The following C1orf87 variants were observed in gnomAD, a reference collection of about 807,000 sequenced individuals.
The protein encoded by C1orf87 is uncharacterized protein C1orf87.
Under a neutral mutation model 60.5 loss-of-function variants are expected in C1orf87, and 58 were observed. That is an observed-to-expected ratio of 0.96 (90% CI 0.78 to 1.19). C1orf87 has a LOEUF of 1.19. C1orf87 is among the 50% of genes most tolerant of loss of function. The probability of loss-of-function intolerance (pLI) is 0.00; values close to 1 mark genes in which losing one functional copy is unlikely to be tolerated. For missense variants in C1orf87, 673 were observed against 638.6 expected, an observed-to-expected ratio of 1.05 and a Z score of -0.58; for synonymous variants, 236 against 227.4, an observed-to-expected ratio of 1.04 and a Z score of -0.34.
intron 8 of C1orf87, among the ~76,000 whole-genome samples, chr1:60,023,942 G>A (rs1043576695): frequency 2.6e-5 from 4 of 152,126 alleles, no homozygotes; most frequent in African/African-American, 4.8e-5. Flanking sequence ...CAGGGGAGAA[G>A]ACATTGTATT....
intron 8 of C1orf87, among the ~76,000 whole-genome samples, chr1:60,021,321 T>C (rs141743679): frequency 1.7e-4 from 26 of 152,280 alleles, no homozygotes; most frequent in African/African-American, 6.0e-4. Flanking sequence ...CTTGCTAGCA[T>C]GGAGATCACT....
chr1:60,036,281 A>G (rs1294355347), intron 6 of C1orf87, among the ~76,000 whole-genome samples: 1 of 152,202 alleles, frequency 6.6e-6, no homozygotes, highest in African/African-American at 2.4e-5. Flanking sequence ...AAGTTATCAC[A>G]GTGAAACAGG....
chr1:60,036,066 T>C (rs1215504882), intron 6 of C1orf87, among the ~76,000 whole-genome samples: 1 of 152,178 alleles, frequency 6.6e-6, no homozygotes, highest in Admixed American at 6.5e-5. Context: ...TGAAGGATAG[T>C]TGCTGTTGGT....
intron 6 of C1orf87, among the ~76,000 whole-genome samples, chr1:60,035,226 C>T (rs1645267303): frequency 6.6e-6 from 1 of 152,186 alleles, no homozygotes; most frequent in Non-Finnish European, 1.5e-5. Context: ...CATCTCTGTT[C>T]CAGATCTGAA....
At chr1:60,045,760 A>T (rs1645362518) in intron 3 of C1orf87, among the ~76,000 whole-genome samples, 1 of 152,188 alleles carries the variant, frequency 6.6e-6, no homozygotes, top group Non-Finnish European at 1.5e-5. Flanking sequence ...CCCACGCCAG[A>T]CCCACTAAAT....
intron 11 of C1orf87, among the ~76,000 whole-genome samples, chr1:59,995,094 G>C (rs1293210026): frequency 6.6e-6 from 1 of 152,192 alleles, no homozygotes; most frequent in Middle Eastern, 3.2e-3. Context: ...GTCGGAATCT[G>C]CCTCCAAAGT....
At chr1:59,994,316 T>G (rs191249324) in intron 11 of C1orf87, among the ~76,000 whole-genome samples, 1 of 151,958 alleles carries the variant, frequency 6.6e-6, no homozygotes, top group Non-Finnish European at 1.5e-5. Context: ...TAGTATGTCA[T>G]GGGACTGGGT....
chr1:59,997,945 G>A (rs1363969656), intron 10 of C1orf87, 129 bp from the exon 11 acceptor site: 4 of 848,604 alleles, frequency 4.7e-6, no homozygotes, highest in African/African-American at 1.7e-5. Flanking sequence ...CTAAGAGGAT[G>A]AGCTTCAAAT....
chr1:59,995,337 T>A (rs1228726686), intron 11 of C1orf87, among the ~76,000 whole-genome samples: 1 of 152,146 alleles, frequency 6.6e-6, no homozygotes, highest in Non-Finnish European at 1.5e-5. Context: ...AATCTTTTCA[T>A]CTCCTTCTCT....
At chr1:59,991,832 T>C (rs1016301106) in intron 11 of C1orf87, among the ~76,000 whole-genome samples, 1 of 152,158 alleles carries the variant, frequency 6.6e-6, no homozygotes, top group African/African-American at 2.4e-5. Context: ...GGAGTCGCAG[T>C]GTAGACCACG....
intron 2 of C1orf87, among the ~76,000 whole-genome samples, chr1:60,058,503 T>A (rs1307010061): frequency 6.6e-6 from 1 of 152,208 alleles, no homozygotes; most frequent in Non-Finnish European, 1.5e-5. Context: ...GAAACAGAAA[T>A]AACTATGGTT....
intron 7 of C1orf87, among the ~76,000 whole-genome samples, chr1:60,028,242 A>G (rs1282214129): frequency 6.6e-6 from 1 of 152,198 alleles, no homozygotes; most frequent in Non-Finnish European, 1.5e-5. Flanking sequence ...TATCAATATT[A>G]AGAGATTATT....
intron 7 of C1orf87, among the ~76,000 whole-genome samples, chr1:60,026,857 C>A (rs1274576710): frequency 1.3e-5 from 2 of 152,136 alleles, no homozygotes; most frequent in African/African-American, 2.4e-5. Flanking sequence ...ACACAAACCT[C>A]GTTTCATGCA....
intron 9 of C1orf87, among the ~76,000 whole-genome samples, chr1:60,004,880 G>A (rs146213964): frequency 2.2e-3 from 320 of 142,412 alleles, no homozygotes; most frequent in African/African-American, 7.6e-3. Context: ...CTAATGACTT[G>A]AAATCAGTAG....
intron 8 of C1orf87, among the ~76,000 whole-genome samples, chr1:60,012,178 G>A (rs1208567920): frequency 1.4e-5 from 2 of 147,086 alleles, no homozygotes; most frequent in Non-Finnish European, 1.5e-5. Flanking sequence ...ACGCTTTGAT[G>A]AAAAAAAAAA....
At chr1:60,042,097 A>G in intron 3 of C1orf87, among the ~76,000 whole-genome samples, 1 of 152,152 alleles carries the variant, frequency 6.6e-6, no homozygotes, top group East Asian at 1.9e-4. Context: ...GTGGTGTGGA[A>G]TCCCTGCTTC....
intron 1 of C1orf87, 32 bp downstream of exon 1, chr1:60,073,658 T>A (rs1165492391): frequency 1.3e-5 from 2 of 152,580 alleles, no homozygotes. Context: ...TCGGCCCTGA[T>A]TGCCCGGAGA....
intron 3 of C1orf87, among the ~76,000 whole-genome samples, chr1:60,041,952 C>T (rs1170451672): frequency 6.6e-6 from 1 of 152,130 alleles, no homozygotes; most frequent in East Asian, 1.9e-4. Flanking sequence ...GGGAATTATT[C>T]CAACTAGCTA....
At chr1:60,064,577 A>G (rs1340529510) in intron 2 of C1orf87, among the ~76,000 whole-genome samples, 8 of 122,222 alleles carry the variant, frequency 6.5e-5, no homozygotes, top group African/African-American at 2.5e-4. Flanking sequence ...CTAATAGGAT[A>G]TATATCATAT....
Sources: allele counts gnomAD v4.1 joint callset (sites outside exome capture counted in the v4.1 genomes callset), GRCh38; gene constraint gnomAD v4.1.1; transcripts MANE v1.5; gene names NCBI Gene and HGNC (gene_info 2026-07-23, HGNC 2026-07-21).